Variants in FOCAD observed in about 807,000 individuals in gnomAD.
FOCAD encodes the protein focadhesin.
FOCAD carries 198 observed loss-of-function variants against 225.6 expected under a neutral mutation model. The observed-to-expected ratio is 0.88, with a 90% confidence interval of 0.78 to 0.99. FOCAD has a LOEUF of 0.99. Among genes scored for constraint, FOCAD ranks in the 50% least tolerant of loss-of-function variants. The probability of loss-of-function intolerance (pLI) is 0.00; values close to 1 mark genes in which losing one functional copy is unlikely to be tolerated. For synonymous variants in FOCAD, 897 were observed against 755.0 expected (o/e 1.19, Z -3.08); for missense variants, 2,713 against 2,123.6 (o/e 1.28, Z -5.46).
chr9:20,821,024 GA>G lies in FOCAD; in HGVS notation c.1749del (p.Lys583AsnfsTer2). On this transcript the variant is annotated frameshift_variant, in exon 14 of 44. Coordinates refer to ENST00000338382, the MANE Select transcript of FOCAD (RefSeq NM_001375567.1). LOFTEE classifies it high-confidence loss of function. ...LSVGKEVQWE[K>X]LIAKAASIRD... Reference sequence around the variant, plus strand: ...CGGTGGGCAAGGAAGTCCAATGGGAGAAACTGATTGCAAAAGCAGCATCAAT... The same window carrying G: ...CGGTGGGCAAGGAAGTCCAATGGGAGAACTGATTGCAAAAGCAGCATCAAT... The G allele has an allele frequency of 6.2e-7, 1 of 1,612,782 alleles. No individual in the cohort carries two copies. Among genetic ancestry groups the G allele is most frequent in the Non-Finnish European group, 8.5e-7 (1 of 1,179,150 alleles).
In FOCAD at chr9:20,976,154, A is replaced by G. The variant is rs185926393; in HGVS notation, c.4133-266A>G. Among the ~76,000 whole-genome samples the G allele has an allele frequency of 2.4e-3, 365 of 152,310 alleles. 3 individuals carry two copies. The highest frequency in any genetic ancestry group is 0.01 in the Middle Eastern group (3 of 294). ...GTGTTCATTGCACATATGTATGGAA[A>G]TATCACTCTATACCCCATAAATATA... On this transcript the variant is annotated intron_variant, in intron 35 of 43. Coordinates refer to ENST00000338382, the MANE Select transcript of FOCAD (RefSeq NM_001375567.1).
At chr9:20,956,483 T>A (rs1838146738) in intron 35 of FOCAD, among the ~76,000 whole-genome samples, 1 of 152,188 alleles carries the variant, frequency 6.6e-6, no homozygotes. Flanking sequence ...ATGTCCTTCA[T>A]AATGTCCTCC....
intron 2 of FOCAD, among the ~76,000 whole-genome samples, chr9:20,663,588 C>G (rs1821803882): frequency 6.6e-6 from 1 of 151,910 alleles, no homozygotes; most frequent in Admixed American, 6.6e-5. Context: ...TTATTAAATG[C>G]TATGCATCAA....
Position 20,785,307 on chromosome 9 carries a change from C to T in FOCAD, c.1197+3378C>T, listed in dbSNP as rs570991787. ...TCAGTGGCTTTTAGTATATTCGCAG[C>T]ATTGTATATTCATTACCACAATCCA... On this transcript the variant is annotated intron_variant, in intron 10 of 43. Transcript: ENST00000338382. 5.9e-5 allele frequency among the ~76,000 whole-genome samples: 9 copies of T among 152,250 alleles called. No individual in the cohort carries two copies. The South Asian group carries it at 1.9e-3, about 32-fold the overall frequency.
Position 20,948,362 on chromosome 9 carries a change from T to G in FOCAD, c.3767T>G (p.Leu1256Arg), listed in dbSNP as rs552496171. Residue 1256 changes from leucine to arginine, a missense_variant, in exon 31 of 44, where the codon CTC becomes CGC. Transcript: ENST00000338382. ...GKAEDLGSKL[L>R]PAWIRIVLTE... ...GCTGAAGACTTGGGCAGCAAACTAC[T>G]CCCTGCCTGGATCAGAATTGTTCTA... is the stretch of plus-strand genomic sequence containing the variant. 1 of 1,612,442 alleles carries G rather than the reference T, an allele frequency of 6.2e-7. No homozygotes were observed. Among genetic ancestry groups the G allele is most frequent in the Non-Finnish European group, 8.5e-7 (1 of 1,178,912 alleles).
intron 12 of FOCAD, 68 bp downstream of exon 12, chr9:20,819,968 G>C (rs1824140308): frequency 1.0e-6 from 1 of 995,586 alleles, no homozygotes; most frequent in Non-Finnish European, 1.5e-6. Flanking sequence ...ATTCTTTTTG[G>C]TATTATGAAA....
At chr9:20,982,294 C>T in intron 38 of FOCAD, 63 bp from the exon 39 acceptor site, 11 of 1,163,886 alleles carry the variant, frequency 9.5e-6, no homozygotes, top group Non-Finnish European at 1.4e-5. Context: ...AATAATTTGT[C>T]AGAACATTTT....
chr9:20,898,739 G>T (rs994721863), intron 21 of FOCAD, among the ~76,000 whole-genome samples: 1 of 151,852 alleles, frequency 6.6e-6, no homozygotes, highest in Admixed American at 6.6e-5. Context: ...TATGTGCTCT[G>T]TCTCTTTAAG....
At chr9:20,740,855 C>T (rs1827559153) in intron 5 of FOCAD, among the ~76,000 whole-genome samples, 1 of 152,158 alleles carries the variant, frequency 6.6e-6, no homozygotes, top group Non-Finnish European at 1.5e-5. Context: ...AAAATACACA[C>T]AGTAGCAATA....
intron 21 of FOCAD, among the ~76,000 whole-genome samples, chr9:20,895,199 C>G (rs577306468): frequency 6.6e-6 from 1 of 152,076 alleles, no homozygotes; most frequent in South Asian, 2.1e-4. Context: ...TTTGCTCATA[C>G]CATGCTGTCT....
intron 24 of FOCAD, among the ~76,000 whole-genome samples, chr9:20,920,496 A>C (rs1834308282): frequency 7.9e-6 from 1 of 126,866 alleles, no homozygotes; most frequent in Admixed American, 8.5e-5. Flanking sequence ...TCATGCTGCT[A>C]TAAAGACACA....
At chr9:20,927,478 T>C (rs1835066195) in intron 26 of FOCAD, among the ~76,000 whole-genome samples, 2 of 152,052 alleles carry the variant, frequency 1.3e-5, no homozygotes, top group South Asian at 4.1e-4. Context: ...ATGTAAAAAG[T>C]TTTGAAAACT....
chr9:20,770,627 C>T (rs533241383), intron 8 of FOCAD, among the ~76,000 whole-genome samples: 4 of 152,326 alleles, frequency 2.6e-5, no homozygotes, highest in African/African-American at 9.6e-5. Context: ...TACAATTTGA[C>T]ATGAGATTTG....
At position 20,862,665 on chromosome 9, in the gene FOCAD, C is replaced by G. The variant is rs999623679; in HGVS notation, c.2008C>G (p.Leu670Val). ...TCTCATTCTGAAGACACTGAGTGAACTATTTTCTCTAGTTCCTTCCTTAAC... is the reference window on the plus strand; with the variant it reads ...TCTCATTCTGAAGACACTGAGTGAAGTATTTTCTCTAGTTCCTTCCTTAAC... ...RPLILKTLSE[L>V]FSLVPSLTVN... is the part of the protein sequence containing the mutation. Residue 670 changes from leucine (L) to valine (V), a missense_variant, in exon 16 of 44, where the codon CTA becomes GTA. Transcript: ENST00000338382. 6.2e-7 allele frequency: 1 copy of G among 1,613,384 alleles called. No individual in the cohort carries two copies. Among genetic ancestry groups the G allele is most frequent in the Non-Finnish European group, 8.5e-7 (1 of 1,179,556 alleles).
intron 33 of FOCAD, among the ~76,000 whole-genome samples, chr9:20,950,138 A>T (rs781063812): frequency 7.3e-5 from 11 of 149,802 alleles, no homozygotes; most frequent in East Asian, 1.9e-4. Flanking sequence ...TTTAAGATTT[A>T]AAAAAAAAAG....
intron 1 of FOCAD, among the ~76,000 whole-genome samples, chr9:20,690,886 C>T (rs1256774340): frequency 1.3e-5 from 2 of 150,862 alleles, no homozygotes; most frequent in East Asian, 3.9e-4. Flanking sequence ...AAATTTTTAC[C>T]TCTCAGTTGA....
rs530984780 is a variant in FOCAD, at chr9:20,726,468, A to G, written c.287+5934A>G. 5.3e-5 allele frequency: 8 copies of G among 152,294 alleles called. No homozygotes were observed. In the South Asian group the frequency reaches 1.5e-3, roughly 28 times the overall value. The allele number at this position is 152,294 out of a possible 1,614,324, so 9.4% of individuals were successfully genotyped here. On this transcript the variant is annotated intron_variant, in intron 4 of 43. Coordinates refer to ENST00000338382, the MANE Select transcript of FOCAD (RefSeq NM_001375567.1). ...TATACTCTGGATAAACCAGGCTAGC[A>G]CTTGATTTGTATGCCTTTTGTGCTC...
chr9:20,782,887 A>G (rs1819519830), intron 10 of FOCAD, among the ~76,000 whole-genome samples: 1 of 152,256 alleles, frequency 6.6e-6, no homozygotes, highest in African/African-American at 2.4e-5. Flanking sequence ...TTGAATGTAT[A>G]CTACAGCTTC....
chr9:20,831,122 G>A (rs1825445886), intron 15 of FOCAD, among the ~76,000 whole-genome samples: 1 of 152,016 alleles, frequency 6.6e-6, no homozygotes, highest in African/African-American at 2.4e-5. Context: ...TCATTGTGTT[G>A]TTCTAGAGGT....
Sources: gnomAD v4.1 joint callset for allele counts (sites outside exome capture counted in the v4.1 genomes callset) on GRCh38, gnomAD v4.1.1 for gene constraint, MANE v1.5 for transcripts, NCBI Gene and HGNC (gene_info 2026-07-23, HGNC 2026-07-21) for gene names.